ADGRB3: variants seen among roughly 807,000 people sequenced by gnomAD.
The protein encoded by ADGRB3 is adhesion G protein-coupled receptor B3, also known as brain-specific angiogenesis inhibitor 3.
ADGRB3 carries 37 observed loss-of-function variants against 193.4 expected under a neutral mutation model. That is an observed-to-expected ratio of 0.19 (90% CI 0.15 to 0.25). The LOEUF (loss-of-function observed/expected upper bound fraction) is 0.25, where lower values mean the gene tolerates loss of function less well. Ranked by LOEUF, ADGRB3 falls within the 10% of genes least tolerant of loss-of-function variation. The pLI is 1.00. For missense variants in ADGRB3, 1,637 were observed against 1,852.9 expected (o/e 0.88, Z 2.14); for synonymous variants, 690 against 644.2 (o/e 1.07, Z -1.08).
intron 17 of ADGRB3, among the ~76,000 whole-genome samples, chr6:69,219,470 T>TATATATATATATATATATA (rs1765844446): frequency 1.3e-5 from 1 of 74,838 alleles, no homozygotes; most frequent in Non-Finnish European, 2.5e-5. Context: ...CGTATATATA[T>TATATATATATATATATATA]ATATATATAT....
chr6:69,243,351 C>T (rs1337391786), intron 20 of ADGRB3, among the ~76,000 whole-genome samples: 1 of 151,968 alleles, frequency 6.6e-6, no homozygotes, highest in Non-Finnish European at 1.5e-5. Context: ...TAGATACTTT[C>T]ACCCACCCTG....
chr6:69,276,084 C>T (rs1373237274), intron 20 of ADGRB3, among the ~76,000 whole-genome samples: 1 of 152,082 alleles, frequency 6.6e-6, no homozygotes, highest in African/African-American at 2.4e-5. Flanking sequence ...TTTGGGCTTT[C>T]TCATAAGGTA....
intron 17 of ADGRB3, among the ~76,000 whole-genome samples, chr6:69,163,794 G>A (rs1342274952): frequency 6.6e-6 from 1 of 152,064 alleles, no homozygotes; most frequent in Non-Finnish European, 1.5e-5. Context: ...TCTTGCATTC[G>A]TTCTATGAGA....
At chr6:69,163,174 T>C (rs1366476196) in intron 17 of ADGRB3, among the ~76,000 whole-genome samples, 1 of 152,086 alleles carries the variant, frequency 6.6e-6, no homozygotes, top group Non-Finnish European at 1.5e-5. Context: ...AGAGATGCCC[T>C]AACCACTACC....
intron 11 of ADGRB3, among the ~76,000 whole-genome samples, chr6:69,006,846 T>A (rs573300587): frequency 3.4e-4 from 52 of 152,230 alleles, no homozygotes; most frequent in Admixed American, 1.1e-3. Flanking sequence ...ATCTTTTTTT[T>A]ATTTATTTCT....
intron 3 of ADGRB3, among the ~76,000 whole-genome samples, chr6:68,811,656 G>C (rs1472607859): frequency 2.0e-5 from 3 of 152,064 alleles, no homozygotes; most frequent in Admixed American, 6.5e-5. Context: ...TTTTAGTAGA[G>C]ACAGGGTTTC....
chr6:68,834,773 T>C (rs936913616), intron 3 of ADGRB3, among the ~76,000 whole-genome samples: 1 of 152,126 alleles, frequency 6.6e-6, no homozygotes, highest in Non-Finnish European at 1.5e-5. Flanking sequence ...GATGAGTCAC[T>C]AAAGCAAGAA....
At chr6:69,333,668 G>C (rs1226824631) in intron 24 of ADGRB3, among the ~76,000 whole-genome samples, 5 of 150,590 alleles carry the variant, frequency 3.3e-5, no homozygotes, top group Admixed American at 3.3e-4. Context: ...ATATATATCT[G>C]GCCGGGCACG....
intron 17 of ADGRB3, among the ~76,000 whole-genome samples, chr6:69,141,432 A>T (rs1774340311): frequency 6.6e-6 from 1 of 152,092 alleles, no homozygotes; most frequent in African/African-American, 2.4e-5. Context: ...CGGGGCAGGG[A>T]TATTTCATAA....
At chr6:69,331,510 T>G (rs1248879151) in intron 23 of ADGRB3, 1 of 984,628 alleles carries the variant, frequency 1.0e-6, no homozygotes, top group South Asian at 4.7e-5. Flanking sequence ...CTAATTCTGA[T>G]ATGTCTGTTT....
intron 3 of ADGRB3, among the ~76,000 whole-genome samples, chr6:68,708,585 A>AT (rs1765362312): frequency 6.6e-6 from 1 of 152,326 alleles, no homozygotes; most frequent in Middle Eastern, 3.4e-3. Context: ...ACGTGGTTAG[A>AT]TTTTTTAAAA....
chr6:69,023,512 G>A (rs1171121961), intron 13 of ADGRB3, among the ~76,000 whole-genome samples: 2 of 152,046 alleles, frequency 1.3e-5, no homozygotes, highest in South Asian at 2.1e-4. Context: ...TGTCAAAGTT[G>A]AAATTGTGCT....
chr6:69,209,124 G>A (rs905549213), intron 17 of ADGRB3, among the ~76,000 whole-genome samples: 20 of 152,158 alleles, frequency 1.3e-4, no homozygotes, highest in African/African-American at 4.8e-4. Context: ...GGATCTGCTG[G>A]CTCGTATGGA....
chr6:68,991,228 T>C (rs1769228321), intron 10 of ADGRB3, among the ~76,000 whole-genome samples: 2 of 152,150 alleles, frequency 1.3e-5, no homozygotes, highest in South Asian at 4.1e-4. Context: ...AACCTAAGCA[T>C]AGATGGAAGT....
chr6:69,383,664 C>T (rs1339604723), intron 31 of ADGRB3, among the ~76,000 whole-genome samples: 16 of 151,992 alleles, frequency 1.1e-4, no homozygotes, highest in Admixed American at 9.8e-4. Context: ...GGTTTCTAAA[C>T]TCCAATTTCA....
intron 3 of ADGRB3, among the ~76,000 whole-genome samples, chr6:68,763,337 G>A (rs138364618): frequency 0.018 from 2,732 of 152,172 alleles, 86 homozygotes; most frequent in African/African-American, 0.062. Flanking sequence ...TGATCCGCCC[G>A]CCTTGGCCTC....
chr6:68,662,963 A>G (rs946437104), intron 3 of ADGRB3, among the ~76,000 whole-genome samples: 2 of 150,952 alleles, frequency 1.3e-5, no homozygotes, highest in African/African-American at 4.8e-5. Context: ...CTGATATTAT[A>G]TAAACTTTTT....
At chr6:69,260,931 T>C (rs532169545) in intron 20 of ADGRB3, among the ~76,000 whole-genome samples, 1 of 152,310 alleles carries the variant, frequency 6.6e-6, no homozygotes, top group Non-Finnish European at 1.5e-5. Flanking sequence ...ATGGACCAAA[T>C]CTGCCCTCAG....
intron 3 of ADGRB3, among the ~76,000 whole-genome samples, chr6:68,889,522 A>G (rs1265982406): frequency 3.9e-5 from 5 of 128,856 alleles, no homozygotes; most frequent in Non-Finnish European, 6.6e-5. Flanking sequence ...TTTTTTTTTG[A>G]GACGGCTTCT....
Sources: gnomAD v4.1 joint callset for allele counts (sites outside exome capture counted in the v4.1 genomes callset) on GRCh38, gnomAD v4.1.1 for gene constraint, MANE v1.5 for transcripts, NCBI Gene and HGNC (gene_info 2026-07-23, HGNC 2026-07-21) for gene names.